SPECC1: variants seen among roughly 807,000 people sequenced by gnomAD.
SPECC1 encodes the protein cytospin-B.
In SPECC1, 62 loss-of-function variants were observed where a neutral mutation model predicts 104.1. That is an observed-to-expected ratio of 0.60 (90% CI 0.49 to 0.74). The LOEUF (loss-of-function observed/expected upper bound fraction) is 0.74. SPECC1 is among the 30% of genes least tolerant of loss of function. The pLI, the probability that SPECC1 is intolerant of heterozygous loss-of-function variation, is 0.00. For missense variants in SPECC1, 1,306 were observed against 1,310.5 expected, an observed-to-expected ratio of 1.00 and a Z score of 0.05; for synonymous variants, 513 against 501.6, an observed-to-expected ratio of 1.02 and a Z score of -0.30.
intron 3 of SPECC1, among the ~76,000 whole-genome samples, chr17:20,194,821 T>C (rs1008432770): frequency 2.0e-5 from 3 of 152,092 alleles, no homozygotes; most frequent in African/African-American, 4.8e-5. Flanking sequence ...CAGATTCTTA[T>C]TGCACCTTTG....
intron 12 of SPECC1, among the ~76,000 whole-genome samples, chr17:20,288,106 A>G (rs550704024): frequency 5.9e-5 from 9 of 152,304 alleles, no homozygotes; most frequent in African/African-American, 2.2e-4. Flanking sequence ...AGCTCCATCC[A>G]TGTCCCTGCA....
chr17:20,261,943 T>C (rs190290008), intron 12 of SPECC1, among the ~76,000 whole-genome samples: 2 of 152,346 alleles, frequency 1.3e-5, no homozygotes, highest in East Asian at 3.9e-4. Flanking sequence ...TAGCCCTCAG[T>C]ACTCCCTAAG....
At chr17:20,012,390 TTC>T (rs2043974343) in intron 1 of SPECC1, among the ~76,000 whole-genome samples, 1 of 152,152 alleles carries the variant, frequency 6.6e-6, no homozygotes, top group East Asian at 1.9e-4. Flanking sequence ...TTTGTACTAT[TTC>T]TATGTTTAAT....
intron 3 of SPECC1, chr17:20,155,982 C>T: frequency 7.9e-7 from 1 of 1,264,640 alleles, no homozygotes; most frequent in Non-Finnish European, 1.0e-6. Flanking sequence ...GCCGCGAGGG[C>T]GGGCTTGATG....
chr17:20,283,138 C>G (rs1345790111), intron 12 of SPECC1, among the ~76,000 whole-genome samples: 6 of 152,170 alleles, frequency 3.9e-5, no homozygotes, highest in African/African-American at 1.4e-4. Flanking sequence ...GAGCCCTGAT[C>G]ACACTATTGC....
At chr17:20,116,694 T>C (rs1304845827) in intron 3 of SPECC1, among the ~76,000 whole-genome samples, 2 of 150,862 alleles carry the variant, frequency 1.3e-5, no homozygotes, top group African/African-American at 4.9e-5. Context: ...AATTTGGGAG[T>C]GGAAACCTGA....
At chr17:20,129,897 G>A (rs947220190) in intron 3 of SPECC1, among the ~76,000 whole-genome samples, 2 of 152,134 alleles carry the variant, frequency 1.3e-5, no homozygotes, top group Non-Finnish European at 2.9e-5. Flanking sequence ...GGGATTATAG[G>A]CTTGTGCCAC....
At chr17:20,186,684 C>G (rs1466066320) in intron 3 of SPECC1, among the ~76,000 whole-genome samples, 1 of 152,174 alleles carries the variant, frequency 6.6e-6, no homozygotes, top group African/African-American at 2.4e-5. Flanking sequence ...CCACCTCAGC[C>G]TCTCCTGAGT....
chr17:20,107,143 T>TTAAA (rs2048247658), intron 2 of SPECC1, among the ~76,000 whole-genome samples: 1 of 22,206 alleles, frequency 4.5e-5, no homozygotes, highest in African/African-American at 3.7e-4. Context: ...GACTCGTGTC[T>TTAAA]CAAAAAAAAA....
intron 1 of SPECC1, among the ~76,000 whole-genome samples, chr17:20,031,854 G>A (rs1450775557): frequency 6.6e-6 from 1 of 152,084 alleles, no homozygotes; most frequent in African/African-American, 2.4e-5. Flanking sequence ...TTTTAATACT[G>A]AATAAATTCC....
intron 12 of SPECC1, among the ~76,000 whole-genome samples, chr17:20,276,371 T>G (rs1393891998): frequency 6.6e-6 from 1 of 152,214 alleles, no homozygotes. Context: ...CCTCCCACAT[T>G]AGTCTCCCCA....
At chr17:20,133,307 C>T (rs994291674) in intron 3 of SPECC1, among the ~76,000 whole-genome samples, 3 of 151,992 alleles carry the variant, frequency 2.0e-5, no homozygotes, top group Non-Finnish European at 4.4e-5. Flanking sequence ...CCATCTCCTA[C>T]AGTGTGAGAA....
chr17:20,053,635 A>G (rs55853482), intron 1 of SPECC1, among the ~76,000 whole-genome samples: 10,753 of 152,244 alleles, frequency 0.071, 409 homozygotes, highest in Non-Finnish European at 0.081. Flanking sequence ...CAGCAATGCT[A>G]TAGAGAGGCT....
chr17:20,078,212 T>G (rs1296833568), intron 1 of SPECC1, among the ~76,000 whole-genome samples: 1 of 150,924 alleles, frequency 6.6e-6, no homozygotes, highest in Non-Finnish European at 1.5e-5. Context: ...AGGGAAAGAA[T>G]GACACGTTTG....
At chr17:20,236,158 G>A (rs1295711102) in intron 7 of SPECC1, among the ~76,000 whole-genome samples, 1 of 152,124 alleles carries the variant, frequency 6.6e-6, no homozygotes, top group Non-Finnish European at 1.5e-5. Context: ...AGGTGGAGGG[G>A]GGCTGTTCTC....
chr17:20,231,907 T>G, intron 6 of SPECC1, 76 bp downstream of exon 6: 1 of 1,446,738 alleles, frequency 6.9e-7, no homozygotes, highest in Non-Finnish European at 9.7e-7. Context: ...ACTCTCTCTA[T>G]CCTGCTTTCT....
intron 3 of SPECC1, among the ~76,000 whole-genome samples, chr17:20,195,875 G>A (rs954603420): frequency 6.6e-6 from 1 of 152,108 alleles, no homozygotes; most frequent in Non-Finnish European, 1.5e-5. Flanking sequence ...TAAAGAGCAG[G>A]TCATAAGCAG....
rs941888625 is a variant in SPECC1 at position 20,314,459 on chromosome 17, A to C, written c.*394A>C. On this transcript the variant is annotated 3_prime_UTR_variant, in exon 15 of 15. Transcript: ENST00000395527. The stretch of plus-strand genomic sequence containing the variant: ...TCTTTTGGTTGCTGTTGTTAAAAAT[A>C]TCCCGGCTTTGCCTTTATGAAACCT... The C allele has an allele frequency of 1.3e-5, 4 of 306,006 alleles. No individual in the cohort carries two copies. Among genetic ancestry groups the C allele is most frequent in the Non-Finnish European group, 2.5e-5 (4 of 158,676 alleles). 19.0% of individuals were successfully genotyped at this position (306,006 alleles called of 1,614,324 possible).
intron 3 of SPECC1, among the ~76,000 whole-genome samples, chr17:20,182,413 A>G (rs1000658997): frequency 2.0e-5 from 3 of 152,044 alleles, no homozygotes; most frequent in African/African-American, 7.3e-5. Context: ...ACCACGCCCA[A>G]CCTCTTCAAT....
Sources: allele counts gnomAD v4.1 joint callset (sites outside exome capture counted in the v4.1 genomes callset), GRCh38; gene constraint gnomAD v4.1.1; transcripts MANE v1.5; gene names NCBI Gene and HGNC (gene_info 2026-07-23, HGNC 2026-07-21).